Variants in SDAD1 observed in about 807,000 individuals in gnomAD.
The protein encoded by SDAD1 is SDA1 domain containing 1, also known as protein SDA1 homolog.
A neutral mutation model predicts 100.3 loss-of-function variants in SDAD1; 79 were observed. The observed-to-expected ratio is 0.79, with a 90% confidence interval of 0.66 to 0.95. The LOEUF is 0.95. Among genes scored for constraint, SDAD1 ranks in the 40% least tolerant of loss-of-function variants. The pLI is 0.00. For synonymous variants in SDAD1, 267 were observed against 271.4 expected, an observed-to-expected ratio of 0.98 and a Z score of 0.16; for missense variants, 790 against 810.9, an observed-to-expected ratio of 0.97 and a Z score of 0.31.
intron 14 of SDAD1, among the ~76,000 whole-genome samples, chr4:75,963,365 A>C (rs964200661): frequency 1.3e-5 from 2 of 152,028 alleles, no homozygotes; most frequent in Non-Finnish European, 2.9e-5. Context: ...TTGTCTTGGC[A>C]ATGTGGGCTC....
At chr4:75,982,690 T>C (rs557747057) in intron 1 of SDAD1, among the ~76,000 whole-genome samples, 13 of 152,026 alleles carry the variant, frequency 8.6e-5, no homozygotes, top group Non-Finnish European at 1.9e-4. Context: ...ACCATATCCA[T>C]GTATGCAGAG....
At chr4:75,980,699 C>A (rs1730451256) in intron 3 of SDAD1, 1 of 152,520 alleles carries the variant, frequency 6.6e-6, no homozygotes, top group African/African-American at 2.4e-5. Flanking sequence ...GGAGTCAGAG[C>A]CACCCTGAGG....
At chr4:75,961,370 A>G (rs975777620) in intron 14 of SDAD1, 62 bp from the exon 15 acceptor site, 1 of 1,203,394 alleles carries the variant, frequency 8.3e-7, no homozygotes, top group Non-Finnish European at 1.2e-6. Flanking sequence ...GATTCAACAC[A>G]GGAAGACTTC....
At chr4:75,981,088 A>G (rs1448854419) in intron 3 of SDAD1, 5 of 302,582 alleles carry the variant, frequency 1.7e-5, no homozygotes, top group Admixed American at 4.5e-5. Flanking sequence ...CTGTAGGGTT[A>G]GTGTGCTGGA....
In SDAD1 at chr4:75,965,955, G is replaced by T. The variant is rs547041662; in HGVS notation, c.1046-133C>A. 72 of 683,236 alleles carry T rather than the reference G, an allele frequency of 1.1e-4. 1 individual carries two copies. The South Asian group carries it at 1.3e-3, about 12-fold the overall frequency. 42.3% of individuals were successfully genotyped at this position (683,236 alleles called of 1,614,324 possible). ...TTCCACCTGGAACACTCAATCCCCA[G>T]ATATCTGCTTGGCTTACCCCCTCAC... On this transcript the variant is annotated intron_variant, in intron 12 of 21. Transcript: ENST00000356260.
intron 7 of SDAD1, 125 bp downstream of exon 7, chr4:75,973,951 C>T (rs1464188741): frequency 2.8e-6 from 2 of 721,818 alleles, no homozygotes; most frequent in Non-Finnish European, 4.8e-6. Context: ...CTGAGTGATG[C>T]TTACTTCTAA....
chr4:75,973,015 C>T lies in SDAD1; in HGVS notation c.711+302G>A, dbSNP rs140409315. ...CAGCCTGGGCAACAGAGCGAGACTC[C>T]GTCTTAAAAAAAAAAATGTTGGTGA... On this transcript the variant is annotated intron_variant, in intron 8 of 21. Coordinates refer to ENST00000356260, the MANE Select transcript of SDAD1 (RefSeq NM_018115.4). Among the ~76,000 whole-genome samples the T allele has an allele frequency of 2.4e-3, 357 of 150,926 alleles. 3 individuals carry two copies. Among genetic ancestry groups the T allele is most frequent in the African/African-American group, 8.1e-3 (334 of 41,068 alleles).
At chr4:75,981,545 T>C (rs776482300) in intron 2 of SDAD1, 75 bp from the exon 3 acceptor site, 2 of 1,597,790 alleles carry the variant, frequency 1.3e-6, no homozygotes, top group Non-Finnish European at 1.7e-6. Flanking sequence ...TTTAGGATGT[T>C]CTGCAAAACG....
rs528660416 is a variant in SDAD1 at position 75,959,600 on chromosome 4, G to C, written c.1483+466C>G. On this transcript the variant is annotated intron_variant, in intron 17 of 21. Transcript: ENST00000356260. ...GCCTGGGCAAGAGCGAGACTCCAAC[G>C]TGAGGAAAAAAAAAAAAGATTTGCT... Among the ~76,000 whole-genome samples the C allele has an allele frequency of 8.4e-4, 127 of 150,528 alleles. 1 individual carries two copies. The highest frequency in any genetic ancestry group is 3.0e-3 in the African/African-American group (124 of 41,152).
chr4:75,958,138 T>C (rs914341138), intron 17 of SDAD1, among the ~76,000 whole-genome samples, 197 bp from the exon 18 acceptor site: 1 of 152,214 alleles, frequency 6.6e-6, no homozygotes, highest in Non-Finnish European at 1.5e-5. Flanking sequence ...TGATCAAGTA[T>C]CTACCATGAG....
intron 14 of SDAD1, among the ~76,000 whole-genome samples, chr4:75,961,607 G>T (rs1478538885): frequency 6.6e-6 from 1 of 151,960 alleles, no homozygotes; most frequent in African/African-American, 2.4e-5. Flanking sequence ...AATAAGAAAG[G>T]TTAAAGTCTT....
At chr4:75,975,540 G>C (rs1408270049) in intron 6 of SDAD1, among the ~76,000 whole-genome samples, 2 of 152,076 alleles carry the variant, frequency 1.3e-5, no homozygotes, top group Non-Finnish European at 2.9e-5. Flanking sequence ...TCATGTCAAA[G>C]TGCCCGACCT....
intron 1 of SDAD1, among the ~76,000 whole-genome samples, chr4:75,987,149 T>C (rs894024275): frequency 4.4e-4 from 67 of 152,338 alleles, no homozygotes; most frequent in African/African-American, 1.3e-3. Flanking sequence ...ATCCTTTAAA[T>C]TGAGATATAA....
chr4:75,954,289 G>A (rs1217370754), intron 21 of SDAD1, among the ~76,000 whole-genome samples: 5 of 152,036 alleles, frequency 3.3e-5, no homozygotes, highest in African/African-American at 1.2e-4. Flanking sequence ...GGTGGAGGCA[G>A]GAGAATGCCG....
At chr4:75,952,908 A>C (rs1208870769) in intron 21 of SDAD1, among the ~76,000 whole-genome samples, 1 of 152,258 alleles carries the variant, frequency 6.6e-6, no homozygotes, top group East Asian at 1.9e-4. Context: ...GGGTTAAATA[A>C]GATATATTGT....
Position 75,977,788 on chromosome 4 carries a change from A to C in SDAD1, c.295-32T>G, listed in dbSNP as rs896141027. The C allele has an allele frequency of 3.8e-6, 5 of 1,312,400 alleles. No individual in the cohort carries two copies. The African/African-American group carries it at 7.3e-5, about 19-fold the overall frequency. The allele number at this position is 1,312,400 out of a possible 1,614,324, so 81.3% of individuals were successfully genotyped here. On this transcript the variant is annotated intron_variant, in intron 3 of 21. Transcript: ENST00000356260. The stretch of plus-strand genomic sequence containing the variant: ...AAGGAAAAAAACATACCATAAGACA[A>C]TGGTAAAGTTAACAAGGTGAGAAAA...
At position 75,977,704 on chromosome 4, in the gene SDAD1, G is replaced by A; in HGVS notation, c.347C>T (p.Ser116Leu). ...TTCAAAGAAGAGTTCTAGCAGGCTT[G>A]ATGGATTGATGAGATTCTTATTTCT... Reference protein sequence around the residue: ...LLRNKNLINPSSLLELFFELF... With the variant: ...LLRNKNLINPLSLLELFFELF... The change falls in exon 4 of 22, where the codon TCA becomes TTA. Residue 116 changes from serine to leucine, a missense_variant. By Grantham distance (145) the Ser-to-Leu change is moderately radical. Transcript: ENST00000356260. 2 of 1,613,374 alleles carry A rather than the reference G, an allele frequency of 1.2e-6. No homozygotes were observed. Among genetic ancestry groups the A allele is most frequent in the Non-Finnish European group, 1.7e-6 (2 of 1,179,772 alleles).
In SDAD1 at chr4:75,960,192, C is replaced by T; in HGVS notation, c.1357G>A (p.Gly453Ser). The T allele has an allele frequency of 6.4e-7, 1 of 1,562,412 alleles. No homozygotes were observed. Among genetic ancestry groups the T allele is most frequent in the Non-Finnish European group, 8.6e-7 (1 of 1,161,278 alleles). ...TCTATGGAGGCCTCTGTAGGCTTAC[C>T]CTAAAGGAAAAGAAATTGTTTGTAA... ...NPQMLQKKFR[G>S]KPTEASIEAR... The change falls in exon 17 of 22, where the codon GGT becomes AGT. Residue 453 changes from glycine to serine, a missense_variant and splice_region_variant. Physicochemically the swap from Gly to Ser is moderately conservative, Grantham distance 56. Transcript: ENST00000356260.
At chr4:75,952,646 C>T (rs1728679437) in intron 21 of SDAD1, among the ~76,000 whole-genome samples, 1 of 152,120 alleles carries the variant, frequency 6.6e-6, no homozygotes, top group African/African-American at 2.4e-5. Context: ...AAGTGTGATG[C>T]TCCTTTCTCA....
Sources: allele counts gnomAD v4.1 joint callset (sites outside exome capture counted in the v4.1 genomes callset), GRCh38; gene constraint gnomAD v4.1.1; transcripts MANE v1.5; gene names NCBI Gene and HGNC (gene_info 2026-07-23, HGNC 2026-07-21).